Variants in CADPS2 observed in about 807,000 individuals in gnomAD.
The protein encoded by CADPS2 is calcium-dependent secretion activator 2.
CADPS2 carries 93 observed loss-of-function variants against 172.5 expected under a neutral mutation model. That is an observed-to-expected ratio of 0.54 (90% CI 0.46 to 0.64). The LOEUF is 0.64. Ranked by LOEUF, CADPS2 falls within the 30% of genes least tolerant of loss-of-function variation. CADPS2 has a pLI of 0.00. For missense variants in CADPS2, 1,420 were observed against 1,565.9 expected (o/e 0.91, Z 1.57); for synonymous variants, 546 against 555.2 (o/e 0.98, Z 0.23).
intron 2 of CADPS2, among the ~76,000 whole-genome samples, chr7:122,730,136 C>T (rs1385686961): frequency 6.6e-6 from 1 of 151,422 alleles, no homozygotes; most frequent in Non-Finnish European, 1.5e-5. Context: ...ATAAACAATG[C>T]CTATATGAAT....
chr7:122,879,036 G>C (rs977045648), intron 1 of CADPS2, among the ~76,000 whole-genome samples: 2 of 152,022 alleles, frequency 1.3e-5, no homozygotes, highest in Non-Finnish European at 2.9e-5. Context: ...AGGAGTTTGA[G>C]ACCAGCCTGG....
intron 8 of CADPS2, among the ~76,000 whole-genome samples, chr7:122,515,855 A>G (rs1447871847): frequency 6.6e-6 from 1 of 151,788 alleles, no homozygotes; most frequent in East Asian, 1.9e-4. Flanking sequence ...AATTATATGT[A>G]TTTAAGATTA....
chr7:122,841,402 T>G (rs992504526), intron 1 of CADPS2, among the ~76,000 whole-genome samples: 1 of 152,164 alleles, frequency 6.6e-6, no homozygotes, highest in Non-Finnish European at 1.5e-5. Context: ...ATATGCTAAA[T>G]TAGATATCAC....
chr7:122,337,164 A>G (rs1467699725), intron 28 of CADPS2, among the ~76,000 whole-genome samples: 1 of 152,184 alleles, frequency 6.6e-6, no homozygotes, highest in Admixed American at 6.5e-5. Flanking sequence ...CAATAAGGCA[A>G]AATTAGGTGG....
chr7:122,641,438 T>C (rs891200809), intron 3 of CADPS2, among the ~76,000 whole-genome samples: 3 of 152,194 alleles, frequency 2.0e-5, no homozygotes, highest in African/African-American at 7.2e-5. Flanking sequence ...TGTAAAACTT[T>C]TGAAGTTGTG....
At chr7:122,474,356 G>A in intron 13 of CADPS2, 25 bp downstream of exon 13, 1 of 1,602,034 alleles carries the variant, frequency 6.2e-7, no homozygotes, top group Non-Finnish European at 8.5e-7. Context: ...CCAACTTATA[G>A]GGGACTAGAT....
chr7:122,438,859 G>A (rs535182901), intron 16 of CADPS2, among the ~76,000 whole-genome samples: 2 of 151,638 alleles, frequency 1.3e-5, no homozygotes, highest in South Asian at 4.2e-4. Flanking sequence ...TAAAAGCCTT[G>A]AGTCTTTTGA....
intron 1 of CADPS2, among the ~76,000 whole-genome samples, chr7:122,868,743 G>A (rs1266590597): frequency 1.3e-5 from 2 of 152,198 alleles, no homozygotes; most frequent in African/African-American, 4.8e-5. Flanking sequence ...CTAATGAATG[G>A]AGATATGTTT....
chr7:122,776,800 G>C (rs1215624517), intron 1 of CADPS2, among the ~76,000 whole-genome samples: 1 of 152,076 alleles, frequency 6.6e-6, no homozygotes, highest in African/African-American at 2.4e-5. Flanking sequence ...TTGGAGTAAA[G>C]GTCACTCTTG....
chr7:122,520,688 C>T (rs11767400), intron 8 of CADPS2, among the ~76,000 whole-genome samples: 11 of 151,988 alleles, frequency 7.2e-5, no homozygotes, highest in African/African-American at 9.6e-5. Flanking sequence ...CTTTATCAAA[C>T]CTTTCTAACT....
chr7:122,586,241 G>A (rs1308801744), intron 6 of CADPS2, among the ~76,000 whole-genome samples: 2 of 151,926 alleles, frequency 1.3e-5, no homozygotes, highest in African/African-American at 4.8e-5. Flanking sequence ...AGCAACCGAA[G>A]TCCCTATCCC....
At chr7:122,457,841 C>T (rs1354393935) in intron 14 of CADPS2, among the ~76,000 whole-genome samples, 2 of 152,074 alleles carry the variant, frequency 1.3e-5, no homozygotes, top group African/African-American at 4.8e-5. Context: ...CTGCACATTG[C>T]CTGGTTTACA....
At chr7:122,440,091 T>G (rs1350164226) in intron 16 of CADPS2, 1 of 152,196 alleles carries the variant, frequency 6.6e-6, no homozygotes, top group African/African-American at 2.4e-5. Context: ...TGTTTTACTT[T>G]TCAATATCAG....
At chr7:122,812,697 C>T (rs1040746143) in intron 1 of CADPS2, among the ~76,000 whole-genome samples, 1 of 152,048 alleles carries the variant, frequency 6.6e-6, no homozygotes, top group African/African-American at 2.4e-5. Flanking sequence ...GGACCAATGT[C>T]TTATTTATCT....
chr7:122,751,870 G>C (rs956897873), intron 1 of CADPS2, among the ~76,000 whole-genome samples: 1 of 152,178 alleles, frequency 6.6e-6, no homozygotes, highest in African/African-American at 2.4e-5. Flanking sequence ...TATGCCTTTG[G>C]CTCCTCCCAT....
chr7:122,808,474 T>A (rs4360221), intron 1 of CADPS2, among the ~76,000 whole-genome samples: 30,202 of 152,114 alleles, frequency 0.2, 3,121 homozygotes, highest in Middle Eastern at 0.3. Flanking sequence ...AAGATAACAG[T>A]TTCATTACCT....
chr7:122,565,120 C>T (rs902076432), intron 7 of CADPS2, among the ~76,000 whole-genome samples: 1 of 151,882 alleles, frequency 6.6e-6, no homozygotes, highest in South Asian at 2.1e-4. Flanking sequence ...ATTACTTACT[C>T]GATATGATGA....
In CADPS2 at chr7:122,554,697, G is replaced by GA. The variant is rs139130136; in HGVS notation, c.1336-9dup. 394,661 of 1,539,430 alleles carry GA rather than the reference G, an allele frequency of 0.26. 47,892 individuals are homozygous for GA. Among genetic ancestry groups the GA allele is most frequent in the Middle Eastern group, 0.3 (1,690 of 5,708 alleles). On this transcript the variant is annotated splice_polypyrimidine_tract_variant and intron_variant, in intron 7 of 29. Transcript: ENST00000449022. ...AGTTGGGTATAATATCACCTGTATG[G>GA]AAAAAAAAACCCACATTTAAACGCA...
chr7:122,561,528 C>G (rs186883319), intron 7 of CADPS2, among the ~76,000 whole-genome samples: 100 of 152,204 alleles, frequency 6.6e-4, no homozygotes, highest in African/African-American at 2.4e-3. Context: ...GTCAATCATT[C>G]TCCAGTTTTT....
Sources: allele counts gnomAD v4.1 joint callset (sites outside exome capture counted in the v4.1 genomes callset), GRCh38; gene constraint gnomAD v4.1.1; transcripts MANE v1.5; gene names NCBI Gene and HGNC (gene_info 2026-07-23, HGNC 2026-07-21).